The following RGS8 variants were observed in gnomAD, a reference collection of about 807,000 sequenced individuals.
RGS8 encodes regulator of G protein signaling 8, also known as regulator of G-protein signaling 8.
A neutral mutation model predicts 21.7 loss-of-function variants in RGS8; 8 were observed. The observed-to-expected ratio is 0.37, with a 90% CI of 0.22 to 0.66. RGS8 has a LOEUF of 0.66. Ranked by LOEUF, RGS8 falls within the 30% of genes least tolerant of loss-of-function variation. RGS8 has a pLI of 0.59. For synonymous variants in RGS8, 80 were observed against 83.6 expected, an observed-to-expected ratio of 0.96 and a Z score of 0.24; for missense variants, 157 against 217.9, an observed-to-expected ratio of 0.72 and a Z score of 1.76.
intron 2 of RGS8, 66 bp from the exon 4 acceptor site, chr1:182,669,818 T>G: frequency 6.9e-7 from 1 of 1,451,314 alleles, no homozygotes; most frequent in Non-Finnish European, 9.1e-7. Context: ...ACATTTCCTC[T>G]CAGACGGGTT....
At chr1:182,713,913 C>T in the RGS8 span, among the ~76,000 whole-genome samples, 1 of 152,108 alleles carries the variant, frequency 6.6e-6, no homozygotes, top group African/African-American at 2.4e-5. Flanking sequence ...AAAACAGAAA[C>T]AAGAAAAGTA....
the RGS8 span, among the ~76,000 whole-genome samples, chr1:182,712,444 T>C: frequency 2.6e-5 from 4 of 152,216 alleles, no homozygotes; most frequent in Non-Finnish European, 5.9e-5. Context: ...GCTATCTTTT[T>C]AGTCTGTTTC....
At chr1:182,647,662 C>G (rs1441167797) in intron 6 of RGS8, among the ~76,000 whole-genome samples, 2 of 152,098 alleles carry the variant, frequency 1.3e-5, no homozygotes, top group Non-Finnish European at 2.9e-5. Flanking sequence ...AAATACTGAA[C>G]AGGTGCTTTA....
At chr1:182,672,315 G>C (rs546604505), upstream of RGS8, 66 of 180,002 alleles carry the variant, frequency 3.7e-4, no homozygotes, top group African/African-American at 1.5e-3. Flanking sequence ...AATGAGCCAG[G>C]AGGAGGGGGG....
chr1:182,646,761 A>G, exon 7 of RGS8: 1 of 1,613,918 alleles, frequency 6.2e-7, no homozygotes, highest in Non-Finnish European at 8.5e-7. Context: ...TGGCTTTGGG[A>G]CAGCAGATCT....
chr1:182,734,612 G>A, the RGS8 span: 2 of 152,242 alleles, frequency 1.3e-5, no homozygotes, highest in Non-Finnish European at 2.9e-5. Flanking sequence ...TATAAGGTAT[G>A]GTTTTGTAAA....
chr1:182,700,452 G>A, the RGS8 span, among the ~76,000 whole-genome samples: 2 of 152,160 alleles, frequency 1.3e-5, no homozygotes, highest in Non-Finnish European at 2.9e-5. Context: ...ACGTAACCAT[G>A]AGCATTGTTC....
At chr1:182,723,367 G>T in the RGS8 span, among the ~76,000 whole-genome samples, 96 of 152,258 alleles carry the variant, frequency 6.3e-4, no homozygotes, top group African/African-American at 2.1e-3. Flanking sequence ...GAAGTTGCTG[G>T]CTGGCTGGGA....
Position 182,662,953 on chromosome 1 carries a change from G to A in RGS8, c.193+3016C>T, listed in dbSNP as rs183065582. On this transcript the variant is annotated intron_variant, in intron 5 of 6. Transcript: ENST00000483095. ...AAGATGTCCTGTAGATTGAGAATGG[G>A]GAGGGGGGGAAATAATCATCTGTGT... 3.2e-4 allele frequency among the ~76,000 whole-genome samples: 41 copies of A among 129,440 alleles called. 1 individual carries two copies. Among genetic ancestry groups the A allele is most frequent in the Admixed American group, 2.5e-3 (35 of 14,066 alleles). The allele number at this position is 129,440 out of a possible 152,430, so 84.9% of individuals were successfully genotyped here.
In RGS8 at chr1:182,666,970, G is replaced by T. The variant is rs773077865; in HGVS notation, c.30C>A (p.Asn10Lys). 2.5e-5 allele frequency: 41 copies of T among 1,612,864 alleles called. No individual in the cohort carries two copies. Among genetic ancestry groups the T allele is most frequent in the Non-Finnish European group, 3.5e-5 (41 of 1,178,846 alleles). ...ATCCCAGTCGAGTCCTCATCCCTTTGTTCCTGCAACAAGCACAGGGGCAGA... is the reference window on the plus strand; with the variant it reads ...ATCCCAGTCGAGTCCTCATCCCTTTTTTCCTGCAACAAGCACAGGGGCAGA... Residue 10 changes from asparagine to lysine, a missense_variant, in exon 4 of 7, where the codon AAC (asparagine) becomes AAA (lysine). Asn to Lys is a moderately conservative substitution (Grantham distance 94). This residue lies in a region of RGS8 where 125 missense variants were observed against 179.4 expected (regional missense o/e 0.70). Transcript: ENST00000483095.
At chr1:182,673,269 C>T (rs1664248981), upstream of RGS8, among the ~76,000 whole-genome samples, 1 of 152,152 alleles carries the variant, frequency 6.6e-6, no homozygotes, top group Non-Finnish European at 1.5e-5. Context: ...AAAGCATTTT[C>T]ATGTATTGTC....
intron 6 of RGS8, 70 bp from the exon 8 acceptor site, chr1:182,646,987 TA>T: frequency 7.7e-7 from 1 of 1,293,698 alleles, no homozygotes; most frequent in Non-Finnish European, 1.1e-6. Flanking sequence ...TGGCCCTAAC[TA>T]TGCAATAATT....
the RGS8 span, among the ~76,000 whole-genome samples, chr1:182,743,974 A>C: frequency 6.6e-6 from 1 of 152,100 alleles, no homozygotes; most frequent in Non-Finnish European, 1.5e-5. Context: ...ATGTTTTTAT[A>C]TGCTTGTTCA....
upstream of RGS8, chr1:182,671,992 G>A: frequency 1.7e-6 from 2 of 1,174,296 alleles, no homozygotes; most frequent in Non-Finnish European, 2.2e-6. Flanking sequence ...ATCCTCATTG[G>A]CAGGATGCAG....
At chr1:182,738,464 T>C in the RGS8 span, among the ~76,000 whole-genome samples, 1 of 152,246 alleles carries the variant, frequency 6.6e-6, no homozygotes, top group East Asian at 1.9e-4. Context: ...TAGCATTAAA[T>C]ATATTTTAGG....
the RGS8 span, among the ~76,000 whole-genome samples, chr1:182,744,217 A>C: frequency 2.0e-5 from 3 of 152,150 alleles, no homozygotes; most frequent in Non-Finnish European, 4.4e-5. Context: ...ACATCCCTGC[A>C]GTCACTGCTG....
chr1:182,698,767 G>C, the RGS8 span, among the ~76,000 whole-genome samples: 5 of 152,158 alleles, frequency 3.3e-5, no homozygotes, highest in African/African-American at 1.2e-4. Context: ...CCTAAGAAAA[G>C]GGCAGAGTTG....
At chr1:182,732,269 TCATACA>T in the RGS8 span, among the ~76,000 whole-genome samples, 2 of 126,358 alleles carry the variant, frequency 1.6e-5, no homozygotes, top group African/African-American at 5.8e-5. Context: ...GCTCTCTCTC[TCATACA>T]CACACACACA....
chr1:182,731,969 G>A, the RGS8 span, among the ~76,000 whole-genome samples: 220 of 152,274 alleles, frequency 1.4e-3, no homozygotes, highest in African/African-American at 4.4e-3. Context: ...ACTGAGGCTG[G>A]AAGACCTGTG....
Sources: gnomAD v4.1 joint callset for allele counts (sites outside exome capture counted in the v4.1 genomes callset) on GRCh38, gnomAD v4.1.1 for gene constraint, gnomAD v4.1.1 regional missense constraint, MANE v1.5 for transcripts, NCBI Gene and HGNC (gene_info 2026-07-23, HGNC 2026-07-21) for gene names.